Variants in TLK2 observed in about 807,000 individuals in gnomAD.
TLK2 encodes serine/threonine-protein kinase tousled-like 2.
Under a neutral mutation model 117.3 loss-of-function variants are expected in TLK2, and 6 were observed. The observed-to-expected ratio is 0.05, with a 90% confidence interval of 0.03 to 0.10. The LOEUF is 0.10. Ranked by LOEUF, TLK2 falls within the 10% of genes least tolerant of loss-of-function variation. The pLI is 1.00. For missense variants in TLK2, 299 were observed against 901.2 expected, an observed-to-expected ratio of 0.33 and a Z score of 8.56; for synonymous variants, 257 against 316.7, an observed-to-expected ratio of 0.81 and a Z score of 2.00.
intron 16 of TLK2, among the ~76,000 whole-genome samples, chr17:62,594,510 A>G (rs1017276196): frequency 5.3e-5 from 8 of 152,228 alleles, no homozygotes; most frequent in African/African-American, 1.7e-4. Flanking sequence ...AACCAATTTT[A>G]CCATAGGCTA....
intron 2 of TLK2, among the ~76,000 whole-genome samples, chr17:62,519,847 C>G (rs968133647): frequency 3.6e-4 from 55 of 152,230 alleles, no homozygotes; most frequent in South Asian, 8.3e-4. Context: ...TGCCCTGGGT[C>G]TCTCCTACAA....
chr17:62,547,306 AG>A (rs2078020927), intron 7 of TLK2, among the ~76,000 whole-genome samples: 1 of 149,594 alleles, frequency 6.7e-6, no homozygotes, highest in African/African-American at 2.4e-5. Context: ...TAGTGGAATG[AG>A]GGATTAGAGT....
At chr17:62,528,490 C>T (rs2076525438) in intron 6 of TLK2, among the ~76,000 whole-genome samples, 2 of 152,124 alleles carry the variant, frequency 1.3e-5, no homozygotes, top group South Asian at 2.1e-4. Context: ...AATCTTGGCT[C>T]ACTGCAACCT....
At chr17:62,561,467 C>T (rs1243687982) in intron 10 of TLK2, among the ~76,000 whole-genome samples, 2 of 152,246 alleles carry the variant, frequency 1.3e-5, no homozygotes, top group Non-Finnish European at 2.9e-5. Context: ...CCGTCTCGGC[C>T]TCCCAAAGTG....
At position 62,522,209 on chromosome 17, in the gene TLK2, C is replaced by A. The variant is rs771534125; in HGVS notation, c.159C>A (p.Pro53=). Residue 53 remains proline (P), a synonymous_variant, in exon 4 of 22, where the codon CCC becomes CCA. Transcript: ENST00000346027. ...ACTTATATGGTATTTGACAGACTCC[C>A]GAGAAAAAGCAGAATGACCAGCGAA... The part of the protein sequence containing the change: ...GSLSDKEVET[P]EKKQNDQRNR... 1.2e-6 allele frequency: 2 copies of A among 1,612,538 alleles called. No individual in the cohort carries two copies. Among genetic ancestry groups the A allele is most frequent in the South Asian group, 2.2e-5 (2 of 90,820 alleles).
intron 1 of TLK2, among the ~76,000 whole-genome samples, chr17:62,480,058 C>T (rs1473567352): frequency 2.6e-5 from 4 of 152,106 alleles, no homozygotes; most frequent in Non-Finnish European, 5.9e-5. Flanking sequence ...TAATTTGTCA[C>T]CTTTTCATTC....
chr17:62,484,711 C>T (rs2072129111), intron 2 of TLK2, among the ~76,000 whole-genome samples: 1 of 152,112 alleles, frequency 6.6e-6, no homozygotes, highest in African/African-American at 2.4e-5. Flanking sequence ...GGAAAAACTC[C>T]TCTCCCTGGC....
intron 6 of TLK2, among the ~76,000 whole-genome samples, chr17:62,526,300 A>G (rs1402889804): frequency 6.6e-6 from 1 of 152,246 alleles, no homozygotes; most frequent in East Asian, 1.9e-4. Context: ...ACTGCCTGCC[A>G]GTCCTACTGT....
Position 62,508,822 on chromosome 17 carries a change from G to T in TLK2, c.82-11951G>T, listed in dbSNP as rs145905321. Reference sequence around the variant, plus strand: ...GTCTTTACTAAAAATACAAAAATTAGCCAAGCGTGGTGGTGTGCGCTTGTA... The same window carrying T: ...GTCTTTACTAAAAATACAAAAATTATCCAAGCGTGGTGGTGTGCGCTTGTA... On this transcript the variant is annotated intron_variant, in intron 2 of 21. Transcript: ENST00000346027. Among the ~76,000 whole-genome samples, 87 of 152,212 alleles carry T rather than the reference G, an allele frequency of 5.7e-4. No individual in the cohort carries two copies. In the South Asian group the frequency reaches 6.4e-3, roughly 11 times the overall value.
intron 16 of TLK2, 109 bp from the exon 17 acceptor site, chr17:62,596,476 T>G: frequency 1.2e-6 from 1 of 817,822 alleles, no homozygotes; most frequent in Non-Finnish European, 2.0e-6. Flanking sequence ...CTGAATGGAA[T>G]TAACATGTGG....
intron 2 of TLK2, among the ~76,000 whole-genome samples, chr17:62,516,940 T>C (rs1489080617): frequency 2.6e-5 from 4 of 152,236 alleles, no homozygotes; most frequent in Non-Finnish European, 4.4e-5. Context: ...CGTCTCACTC[T>C]GTTGTCCAGG....
At chr17:62,597,945 G>A (rs916750900) in intron 17 of TLK2, among the ~76,000 whole-genome samples, 2 of 152,104 alleles carry the variant, frequency 1.3e-5, no homozygotes, top group African/African-American at 4.8e-5. Flanking sequence ...GCCTCCCAGG[G>A]TAATTCTAGG....
At chr17:62,576,915 T>G in intron 13 of TLK2, 140 bp downstream of exon 13, 1 of 624,664 alleles carries the variant, frequency 1.6e-6, no homozygotes, top group Non-Finnish European at 2.9e-6. Flanking sequence ...TTCACTGTCA[T>G]GTCTTGTAGC....
At chr17:62,525,562 A>G (rs1201756751) in intron 6 of TLK2, among the ~76,000 whole-genome samples, 1 of 151,856 alleles carries the variant, frequency 6.6e-6, no homozygotes, top group African/African-American at 2.4e-5. Context: ...GATTCTCCCA[A>G]ATCAACTTCC....
upstream of TLK2, chr17:62,478,122 C>CG (rs1056633094): frequency 3.3e-5 from 5 of 151,980 alleles, no homozygotes; most frequent in African/African-American, 1.2e-4. Context: ...GGGCGACGCG[C>CG]GGGGCTGGGG....
At chr17:62,589,568 ACT>A (rs373228910) in intron 16 of TLK2, among the ~76,000 whole-genome samples, 63 of 152,258 alleles carry the variant, frequency 4.1e-4, no homozygotes, top group South Asian at 3.5e-3. Context: ...GTTCAGCGAC[ACT>A]CTGCAAATTC....
intron 10 of TLK2, among the ~76,000 whole-genome samples, chr17:62,560,502 C>G (rs1330540003): frequency 6.6e-6 from 1 of 151,514 alleles, no homozygotes; most frequent in Non-Finnish European, 1.5e-5. Flanking sequence ...TTTAGAATAA[C>G]TTATGTATAT....
chr17:62,532,863 ATATGATCAT>A (rs1323848204), intron 6 of TLK2, among the ~76,000 whole-genome samples: 1 of 152,208 alleles, frequency 6.6e-6, no homozygotes, highest in East Asian at 1.9e-4. Context: ...CCAGGTCAGA[ATATGATCAT>A]TTAAAAATGT....
chr17:62,604,007 T>C (rs142287677), intron 19 of TLK2, among the ~76,000 whole-genome samples: 6,573 of 142,356 alleles, frequency 0.046, 164 homozygotes, highest in Middle Eastern at 0.11. Flanking sequence ...TATTTATTTA[T>C]TTATTTATTT....
Sources: gnomAD v4.1 joint callset for allele counts (sites outside exome capture counted in the v4.1 genomes callset) on GRCh38, gnomAD v4.1.1 for gene constraint, MANE v1.5 for transcripts, NCBI Gene and HGNC (gene_info 2026-07-23, HGNC 2026-07-21) for gene names.